Variants in ADGRA3 observed in about 807,000 individuals in gnomAD.
ADGRA3 encodes the protein adhesion G protein-coupled receptor A3, also known as G-protein coupled receptor 125.
ADGRA3 carries 56 observed loss-of-function variants against 119.8 expected under a neutral mutation model. The ratio of observed to expected loss-of-function variants is 0.47; its 90% confidence interval spans 0.38 to 0.58. ADGRA3 has a LOEUF of 0.58. Among genes scored for constraint, ADGRA3 ranks in the 20% least tolerant of loss-of-function variants. The pLI, the probability that ADGRA3 is intolerant of heterozygous loss-of-function variation, is 0.00. For missense variants in ADGRA3, 1,516 were observed against 1,649.0 expected, an observed-to-expected ratio of 0.92 and a Z score of 1.40; for synonymous variants, 607 against 623.8, an observed-to-expected ratio of 0.97 and a Z score of 0.40.
intron 2 of ADGRA3, 21 bp downstream of exon 2, chr4:22,473,751 T>C: frequency 7.1e-7 from 1 of 1,417,642 alleles, no homozygotes; most frequent in Non-Finnish European, 9.8e-7. Context: ...AATAATGAGA[T>C]GATAATTAAA....
At chr4:22,484,117 A>G (rs1194375230) in intron 1 of ADGRA3, among the ~76,000 whole-genome samples, 1 of 152,220 alleles carries the variant, frequency 6.6e-6, no homozygotes, top group Non-Finnish European at 1.5e-5. Context: ...AAACTGTGCA[A>G]TTACAATGCA....
intron 1 of ADGRA3, among the ~76,000 whole-genome samples, chr4:22,486,827 T>TA (rs1288760982): frequency 6.6e-6 from 1 of 152,190 alleles, no homozygotes; most frequent in Non-Finnish European, 1.5e-5. Context: ...CTTAACCTCT[T>TA]AGTTACTTAA....
Position 22,445,099 on chromosome 4 carries a change from T to TA in ADGRA3, c.579dup (p.Asn194Ter). On this transcript the variant is annotated frameshift_variant, in exon 6 of 19. Coordinates refer to ENST00000334304, the MANE Select transcript of ADGRA3 (RefSeq NM_145290.4). LOFTEE classifies it high-confidence loss of function. ...ACCCAGCGATGCATCCACAGTATGTTACAGTCACACAAAAGATACTCAGTC... is the reference window on the plus strand; with the variant it reads ...ACCCAGCGATGCATCCACAGTATGTTAACAGTCACACAAAAGATACTCAGTC... 2 of 1,613,946 alleles carry TA rather than the reference T, an allele frequency of 1.2e-6. No individual in the cohort carries two copies. Among genetic ancestry groups the TA allele is most frequent in the Non-Finnish European group, 1.7e-6 (2 of 1,179,870 alleles).
At chr4:22,471,847 C>T (rs929147726) in intron 2 of ADGRA3, among the ~76,000 whole-genome samples, 1 of 152,136 alleles carries the variant, frequency 6.6e-6, no homozygotes, top group Non-Finnish European at 1.5e-5. Flanking sequence ...ACAATCACAG[C>T]ACCTTGGTAT....
At chr4:22,501,204 C>A (rs968237259) in intron 1 of ADGRA3, among the ~76,000 whole-genome samples, 1 of 152,156 alleles carries the variant, frequency 6.6e-6, no homozygotes, top group African/African-American at 2.4e-5. Context: ...TTCTGTTTCT[C>A]TAGAAAATCT....
intron 10 of ADGRA3, among the ~76,000 whole-genome samples, chr4:22,432,489 A>C (rs1279095403): frequency 6.6e-6 from 1 of 152,220 alleles, no homozygotes; most frequent in Non-Finnish European, 1.5e-5. Context: ...CTTTAAAATC[A>C]ATGAAAAAGC....
chr4:22,460,971 T>A (rs1265992661), intron 3 of ADGRA3, among the ~76,000 whole-genome samples: 1 of 152,216 alleles, frequency 6.6e-6, no homozygotes, highest in East Asian at 1.9e-4. Flanking sequence ...ACAGCAACTG[T>A]GAAAGGAGCT....
At chr4:22,447,673 C>T (rs1716881426) in intron 4 of ADGRA3, among the ~76,000 whole-genome samples, 162 bp from the exon 5 acceptor site, 1 of 152,066 alleles carries the variant, frequency 6.6e-6, no homozygotes, top group Non-Finnish European at 1.5e-5. Context: ...ACACTTCCTC[C>T]AAGGGTGAAG....
At chr4:22,462,554 A>G (rs1046415471) in intron 2 of ADGRA3, among the ~76,000 whole-genome samples, 5 of 152,180 alleles carry the variant, frequency 3.3e-5, no homozygotes, top group African/African-American at 1.2e-4. Flanking sequence ...ACCTCAAGCA[A>G]TCTGCCTGCC....
At chr4:22,483,985 C>CT (rs1345674981) in intron 1 of ADGRA3, among the ~76,000 whole-genome samples, 3 of 86,998 alleles carry the variant, frequency 3.4e-5, no homozygotes, top group Non-Finnish European at 9.2e-5. Context: ...TGCATGATTA[C>CT]ATTTTTTTTA....
At chr4:22,415,361 T>G (rs546247457) in intron 12 of ADGRA3, among the ~76,000 whole-genome samples, 1 of 152,182 alleles carries the variant, frequency 6.6e-6, no homozygotes, top group East Asian at 1.9e-4. Flanking sequence ...GATGTTTGTA[T>G]ATTACTTTTA....
chr4:22,401,942 A>G (rs1714671045), intron 15 of ADGRA3, among the ~76,000 whole-genome samples: 1 of 152,010 alleles, frequency 6.6e-6, no homozygotes, highest in African/African-American at 2.4e-5. Context: ...TCTTTTTTTG[A>G]CCCACTGGCG....
chr4:22,398,022 G>T lies in ADGRA3; in HGVS notation c.2481+3409C>A, dbSNP rs533570040. On this transcript the variant is annotated intron_variant, in intron 16 of 18. Coordinates refer to ENST00000334304, the MANE Select transcript of ADGRA3 (RefSeq NM_145290.4). ...GGTAAGTGGGAGTCAGCGACATGAA[G>T]AAGAGGAGAAAGACTGAGAACACAG... 8 of 966,486 alleles carry T rather than the reference G, an allele frequency of 8.3e-6. No individual in the cohort carries two copies. The East Asian group carries it at 9.2e-4, about 111-fold the overall frequency. The allele number at this position is 966,486 out of a possible 1,614,324, so 59.9% of individuals were successfully genotyped here.
intron 3 of ADGRA3, 85 bp from the exon 4 acceptor site, chr4:22,455,022 C>G (rs1425032435): frequency 1.1e-6 from 1 of 882,358 alleles, no homozygotes; most frequent in Non-Finnish European, 1.9e-6. Flanking sequence ...GAACAGCACC[C>G]AGGTATCGCA....
In ADGRA3 at chr4:22,489,209, T is replaced by C. The variant is rs977142001; in HGVS notation, c.258-15366A>G. On this transcript the variant is annotated intron_variant, in intron 1 of 18. Coordinates refer to ENST00000334304, the MANE Select transcript of ADGRA3 (RefSeq NM_145290.4). Reference sequence around the variant, plus strand: ...ACACGGGAAGCCCCTCATAAAACCGTCAGATCTCATGAGACTTATTCACTA... The same window carrying C: ...ACACGGGAAGCCCCTCATAAAACCGCCAGATCTCATGAGACTTATTCACTA... Among the ~76,000 whole-genome samples, 6 of 152,112 alleles carry C rather than the reference T, an allele frequency of 3.9e-5. No individual in the cohort carries two copies. In the South Asian group the frequency reaches 6.2e-4, roughly 16 times the overall value.
At chr4:22,407,222 G>A (rs778378716) in intron 14 of ADGRA3, among the ~76,000 whole-genome samples, 1 of 152,192 alleles carries the variant, frequency 6.6e-6, no homozygotes, top group Non-Finnish European at 1.5e-5. Context: ...AGTGAGCCGA[G>A]ATCAAGCCAC....
intron 10 of ADGRA3, among the ~76,000 whole-genome samples, chr4:22,426,996 T>C (rs1025315999): frequency 3.3e-5 from 5 of 152,198 alleles, no homozygotes; most frequent in Admixed American, 6.5e-5. Context: ...CAGCCGTTTA[T>C]ACAGATGCTA....
intron 6 of ADGRA3, among the ~76,000 whole-genome samples, chr4:22,444,414 T>G (rs1716750549): frequency 6.6e-6 from 1 of 151,998 alleles, no homozygotes; most frequent in Non-Finnish European, 1.5e-5. Context: ...GCCTCTCGAG[T>G]AGCTGAAATT....
intron 1 of ADGRA3, among the ~76,000 whole-genome samples, chr4:22,487,016 A>G (rs1560341696): frequency 6.6e-6 from 1 of 152,142 alleles, no homozygotes; most frequent in South Asian, 2.1e-4. Context: ...TTTCATTATC[A>G]GCATCTTCTG....
Sources: gnomAD v4.1 joint callset for allele counts (sites outside exome capture counted in the v4.1 genomes callset) on GRCh38, gnomAD v4.1.1 for gene constraint, MANE v1.5 for transcripts, NCBI Gene and HGNC (gene_info 2026-07-23, HGNC 2026-07-21) for gene names.